SCYL3: variants seen among roughly 807,000 people sequenced by gnomAD.
SCYL3 encodes the protein SCY1 like pseudokinase 3.
In SCYL3, 35 loss-of-function variants were observed where a neutral mutation model predicts 73.8. That is an observed-to-expected ratio of 0.47 (90% CI 0.36 to 0.63). The LOEUF is 0.63. SCYL3 is among the 20% of genes least tolerant of loss of function. The pLI, the probability that SCYL3 is intolerant of heterozygous loss-of-function variation, is 0.00. For missense variants in SCYL3, 712 were observed against 798.9 expected (o/e 0.89, Z 1.31); for synonymous variants, 277 against 295.2 (o/e 0.94, Z 0.63).
chr1:169,874,892 A>T (rs539633620), intron 4 of SCYL3, among the ~76,000 whole-genome samples: 4 of 152,134 alleles, frequency 2.6e-5, no homozygotes, highest in African/African-American at 7.2e-5. Flanking sequence ...GCACCACTGC[A>T]CTCCAGCCTG....
intron 2 of SCYL3, among the ~76,000 whole-genome samples, chr1:169,881,584 A>T (rs1323494721): frequency 6.6e-6 from 1 of 152,080 alleles, no homozygotes; most frequent in Non-Finnish European, 1.5e-5. Context: ...ACCTCTCTTC[A>T]TCCCCTACAA....
chr1:169,852,891 C>A lies in SCYL3; in HGVS notation c.*822G>T, dbSNP rs1445851646. On this transcript the variant is annotated 3_prime_UTR_variant, in exon 13 of 13. Coordinates refer to ENST00000367771, the MANE Select transcript of SCYL3 (RefSeq NM_020423.7). ...CTTTGGAAGCAACTGAGTCACTACT[C>A]CAAAAGGGTCCTGCTCCAGCCTGGC... The A allele has an allele frequency of 5.6e-6, 9 of 1,614,106 alleles. No homozygotes were observed. The highest frequency in any genetic ancestry group is 7.6e-6 in the Non-Finnish European group (9 of 1,179,998).
At chr1:169,877,585 GA>G (rs1037081903) in intron 3 of SCYL3, among the ~76,000 whole-genome samples, 7 of 152,130 alleles carry the variant, frequency 4.6e-5, no homozygotes, top group East Asian at 1.9e-4. Flanking sequence ...CTCCATTTGA[GA>G]AAAAAATGAA....
rs1480229533 is a variant in SCYL3, at chr1:169,888,855, G to A, written c.-15C>T. ...TCTGATCCCATCCCTTATGCAGTGA[G>A]GCAGTACTGCCACTCTTCCTCAAAG... is the stretch of plus-strand genomic sequence containing the variant. On this transcript the variant is annotated 5_prime_UTR_variant, in exon 2 of 13. Coordinates refer to ENST00000367771, the MANE Select transcript of SCYL3 (RefSeq NM_020423.7). The A allele has an allele frequency of 6.4e-7, 1 of 1,571,064 alleles. No individual in the cohort carries two copies. The highest frequency in any genetic ancestry group is 1.7e-4 in the Middle Eastern group (1 of 5,922).
chr1:169,878,525 T>C, intron 3 of SCYL3, 109 bp downstream of exon 3: 1 of 997,140 alleles, frequency 1.0e-6, no homozygotes, highest in Non-Finnish European at 1.4e-6. Flanking sequence ...TAATAACACT[T>C]AACTTACAAT....
At chr1:169,869,942 G>C (rs888842997) in intron 6 of SCYL3, among the ~76,000 whole-genome samples, 2 of 152,012 alleles carry the variant, frequency 1.3e-5, no homozygotes, top group African/African-American at 4.8e-5. Flanking sequence ...GTACTTATTG[G>C]CCGGTTCAAT....
rs182443051 is a variant in SCYL3, at chr1:169,852,415, A to C, written c.*1298T>G. 2 of 267,802 alleles carry C rather than the reference A, an allele frequency of 7.5e-6. No individual in the cohort carries two copies. Among genetic ancestry groups the C allele is most frequent in the African/African-American group, 2.2e-5 (1 of 44,548 alleles). The allele number at this position is 267,802 out of a possible 1,614,324, so 16.6% of individuals were successfully genotyped here. On this transcript the variant is annotated 3_prime_UTR_variant, in exon 13 of 13. Transcript: ENST00000367771. The stretch of plus-strand genomic sequence containing the variant: ...TTAGTATAGTAATTAGTATAGTAGT[A>C]ATTCATGAAGAACAACATTCTGATA...
chr1:169,856,754 G>T (rs1219314669), intron 11 of SCYL3, among the ~76,000 whole-genome samples: 1 of 152,064 alleles, frequency 6.6e-6, no homozygotes, highest in Non-Finnish European at 1.5e-5. Context: ...CCCTTTCATA[G>T]CTGAAAATGA....
At chr1:169,893,328 G>C (rs1009788404) in intron 1 of SCYL3, among the ~76,000 whole-genome samples, 2 of 152,166 alleles carry the variant, frequency 1.3e-5, no homozygotes, top group African/African-American at 2.4e-5. Flanking sequence ...CTTCCCGAGG[G>C]CGGGCGCGCC....
chr1:169,859,003 AT>A (rs777779655), intron 11 of SCYL3, 37 bp downstream of exon 11: 4 of 1,582,232 alleles, frequency 2.5e-6, no homozygotes, highest in Non-Finnish European at 3.5e-6. Context: ...ATCTAAAAAA[AT>A]GACACACAAA....
intron 6 of SCYL3, among the ~76,000 whole-genome samples, chr1:169,869,462 T>C (rs1660248404): frequency 6.6e-6 from 1 of 152,244 alleles, no homozygotes; most frequent in African/African-American, 2.4e-5. Flanking sequence ...GTTAGTTCAT[T>C]ATACACAATG....
At position 169,854,251 on chromosome 1, in the gene SCYL3, A is replaced by T; in HGVS notation, c.2007+19T>A. ...AATCCTAAAGCTAGTAGCACAGTTT[A>T]CTCCATAAAAGTACTCACCTCAGTA... On this transcript the variant is annotated intron_variant, in intron 12 of 12. Transcript: ENST00000367771. The T allele has an allele frequency of 6.4e-7, 1 of 1,557,408 alleles. No homozygotes were observed. Among genetic ancestry groups the T allele is most frequent in the Non-Finnish European group, 8.7e-7 (1 of 1,151,664 alleles).
At chr1:169,872,596 C>T (rs1195027722) in intron 5 of SCYL3, among the ~76,000 whole-genome samples, 1 of 152,192 alleles carries the variant, frequency 6.6e-6, no homozygotes, top group Non-Finnish European at 1.5e-5. Context: ...ACAGCTTGCA[C>T]CACGTGCCTG....
rs769498962 is a variant in SCYL3 at position 169,854,755 on chromosome 1, T to C, written c.1522A>G (p.Thr508Ala). ...PCDDVKSQCT[T>A]LDVEESSWDD... is the part of the protein sequence containing the mutation. ...CAAGATGACTCTTCCACATCCAAGG[T>C]AGTGCACTGGGACTTGACATCATCA... The change falls in exon 12 of 13, where the codon ACC becomes GCC. Residue 508 changes from threonine (T) to alanine (A), a missense_variant. Physicochemically the swap from Thr to Ala is moderately conservative, Grantham distance 58. Around this residue, in one of 2 missense-constraint regions of SCYL3, gnomAD observed 370 missense variants for 350.8 expected, o/e 1.05. Transcript: ENST00000367771. The C allele has an allele frequency of 1.9e-6, 3 of 1,613,916 alleles. No individual in the cohort carries two copies. The African/African-American group carries it at 4.0e-5, about 22-fold the overall frequency.
At chr1:169,874,653 C>A (rs114895785) in intron 4 of SCYL3, among the ~76,000 whole-genome samples, 1 of 152,134 alleles carries the variant, frequency 6.6e-6, no homozygotes, top group Admixed American at 6.5e-5. Flanking sequence ...AGGCCAGGCT[C>A]GGTGGCTCAT....
chr1:169,866,736 T>A (rs148232306), intron 8 of SCYL3, among the ~76,000 whole-genome samples, 160 bp downstream of exon 8: 213 of 152,340 alleles, frequency 1.4e-3, no homozygotes, highest in African/African-American at 4.9e-3. Flanking sequence ...ACCAGAAATA[T>A]CTACCCCACC....
In SCYL3 at chr1:169,878,797, G is replaced by C. The variant is rs750772074; in HGVS notation, c.188C>G (p.Pro63Arg). The change falls in exon 3 of 13, where the codon CCT (proline) becomes CGT (arginine). Residue 63 changes from proline (P) to arginine (R), a missense_variant. By Grantham distance (103) the Pro-to-Arg change is moderately radical. Transcript: ENST00000367771. The stretch of plus-strand genomic sequence containing the variant: ...ACAAGATAAAAATCTTAGCAAGCAA[G>C]GGTGACGAAGTGTCTTCAAATGCTT... ...AAKHLKTLRH[P>R]CLLRFLSCTV... The C allele has an allele frequency of 6.2e-7, 1 of 1,612,084 alleles. No individual in the cohort carries two copies.
chr1:169,864,855 G>A (rs1659920512), intron 8 of SCYL3, among the ~76,000 whole-genome samples: 1 of 151,962 alleles, frequency 6.6e-6, no homozygotes, highest in Non-Finnish European at 1.5e-5. Context: ...AGCTACTCGG[G>A]GCTGAGGCAT....
rs529725028 is a variant in SCYL3 at position 169,887,181 on chromosome 1, G to T, written c.165+1495C>A. On this transcript the variant is annotated intron_variant, in intron 2 of 12. Transcript: ENST00000367771. ...CATATATGAGGTTTTCAAAGCCACA[G>T]AATGGCTTAACAAGAGACAAAGATG... 2.3e-3 allele frequency among the ~76,000 whole-genome samples: 351 copies of T among 152,242 alleles called. 4 individuals carry two copies. The highest frequency in any genetic ancestry group is 7.8e-3 in the African/African-American group (326 of 41,538).
Sources: gnomAD v4.1 joint callset for allele counts (sites outside exome capture counted in the v4.1 genomes callset) on GRCh38, gnomAD v4.1.1 for gene constraint, gnomAD v4.1.1 regional missense constraint, MANE v1.5 for transcripts, NCBI Gene and HGNC (gene_info 2026-07-23, HGNC 2026-07-21) for gene names.